SEMA4G: variants seen among roughly 807,000 people sequenced by gnomAD.
SEMA4G encodes the protein semaphorin-4G.
SEMA4G carries 59 observed loss-of-function variants against 81.2 expected under a neutral mutation model. That is an observed-to-expected ratio of 0.73 (90% CI 0.59 to 0.90). SEMA4G has a LOEUF of 0.90. SEMA4G is among the 40% of genes least tolerant of loss of function. The pLI is 0.00. For missense variants in SEMA4G, 952 were observed against 1,102.3 expected (o/e 0.86, Z 1.93); for synonymous variants, 404 against 433.9 (o/e 0.93, Z 0.86).
chr10:100,969,988 G>A (rs1396340294), upstream of SEMA4G: 1 of 429,070 alleles, frequency 2.3e-6, no homozygotes, highest in Admixed American at 2.4e-5. Context: ...GGGGTCCCGG[G>A]GGAGGGGCTC....
At chr10:100,979,055 C>G (rs1850930288) in intron 7 of SEMA4G, 37 bp downstream of exon 8, 1 of 1,613,032 alleles carries the variant, frequency 6.2e-7, no homozygotes, top group Non-Finnish European at 8.5e-7. Flanking sequence ...GGTATAGAGG[C>G]TGGACCTCTG....
chr10:100,971,182 C>T (rs1171067640), upstream of SEMA4G, among the ~76,000 whole-genome samples: 2 of 152,212 alleles, frequency 1.3e-5, no homozygotes, highest in Non-Finnish European at 1.5e-5. Context: ...ACCCATGTGA[C>T]TCTTAAACTA....
chr10:100,978,043 C>T (rs1589985269), intron 4 of SEMA4G: 2 of 574,750 alleles, frequency 3.5e-6, no homozygotes, highest in Non-Finnish European at 6.2e-6. Flanking sequence ...GGGCTAGGGG[C>T]TCAGATGTTC....
At chr10:100,972,735 A>T in exon 1 of SEMA4G, 1 of 546,400 alleles carries the variant, frequency 1.8e-6, no homozygotes, top group East Asian at 3.2e-5. Context: ...TGTCCCCCCG[A>T]TTCCAGGACC....
At chr10:100,979,945 C>T (rs199762950) in exon 9 of SEMA4G, 14 of 1,614,026 alleles carry the variant, frequency 8.7e-6, no homozygotes, top group East Asian at 4.5e-5. Context: ...TGGTTCCCGG[C>T]GCTGGGGTCG....
rs1181201946 is a variant in SEMA4G, at chr10:100,973,739, G to GT, written c.336+131dup. ...AATCTCAGCAACCACAGTAAACATT[G>GT]TAAGTATTGCCAGAGTGGCAAGCCA... On this transcript the variant is annotated intron_variant, in intron 3 of 13. Coordinates refer to ENST00000370250, the Ensembl canonical transcript of SEMA4G. This position sits in a 1 kb window ranked among gnomAD's most constrained non-coding sequence, Gnocchi z 5.5. The GT allele has an allele frequency of 8.5e-6, 7 of 818,980 alleles. No individual in the cohort carries two copies. The highest frequency in any genetic ancestry group is 1.4e-5 in the Non-Finnish European group (7 of 518,256). The allele number at this position is 818,980 out of a possible 1,614,324, so 50.7% of individuals were successfully genotyped here. A position where few individuals can be genotyped will look rare whatever the true frequency, so the allele number is the denominator to read the frequency against.
downstream of SEMA4G, chr10:100,984,974 C>T (rs561580399): frequency 1.5e-5 from 20 of 1,377,042 alleles, no homozygotes; most frequent in African/African-American, 2.5e-4. Flanking sequence ...TACATTTCCA[C>T]TCACATGCAC....
At chr10:100,981,142 T>A (rs1851049873) in intron 12 of SEMA4G, 26 bp from the exon 14 acceptor site, 1 of 1,613,832 alleles carries the variant, frequency 6.2e-7, no homozygotes, top group African/African-American at 1.3e-5. Flanking sequence ...TTCCCCTTGT[T>A]CATAAAACCT....
chr10:100,978,496 GTC>G, intron 5 of SEMA4G, 29 bp from the exon 7 acceptor site: 1 of 1,605,226 alleles, frequency 6.2e-7, no homozygotes, highest in African/African-American at 1.3e-5. Flanking sequence ...AATATGACAT[GTC>G]TCTCATGCCT....
chr10:100,973,415 C>G lies in SEMA4G; in HGVS notation c.274-132C>G. 7.2e-7 allele frequency: 1 copy of G among 1,396,508 alleles called. No homozygotes were observed. The highest frequency in any genetic ancestry group is 1.3e-5 in the South Asian group (1 of 78,024). 86.5% of individuals were successfully genotyped at this position (1,396,508 alleles called of 1,614,324 possible). ...ACTGCCCTTCCCAGCCCAGGTGTTC[C>G]TTGCATTCAGTGTTCCTCCTGAAAT... On this transcript the variant is annotated intron_variant, in intron 2 of 13. Transcript: ENST00000370250. The surrounding 1 kb of genome is among the most constrained non-coding windows in gnomAD (Gnocchi z 5.5).
intron 3 of SEMA4G, among the ~76,000 whole-genome samples, chr10:100,974,514 C>T (rs972498595): frequency 3.9e-5 from 6 of 152,158 alleles, no homozygotes; most frequent in African/African-American, 7.2e-5. Flanking sequence ...TGCTTACTTA[C>T]GATGGGTTAC....
At chr10:100,977,829 C>T (rs905539492) in intron 4 of SEMA4G, 99 bp downstream of exon 5, 16 of 1,062,280 alleles carry the variant, frequency 1.5e-5, no homozygotes, top group South Asian at 3.9e-5. Context: ...GTGAAGGAGA[C>T]GGATGGTTTA....
At chr10:100,976,912 T>G (rs1850815468) in intron 3 of SEMA4G, among the ~76,000 whole-genome samples, 1 of 152,180 alleles carries the variant, frequency 6.6e-6, no homozygotes, top group Non-Finnish European at 1.5e-5. Flanking sequence ...CAACTGCAGA[T>G]GTCTAAGGAA....
chr10:100,982,446 C>T lies in SEMA4G; in HGVS notation c.1691-859C>T, dbSNP rs76997620. Among the ~76,000 whole-genome samples the T allele has an allele frequency of 1.6e-4, 24 of 152,328 alleles. No individual in the cohort carries two copies. The East Asian group carries it at 3.1e-3, about 20-fold the overall frequency. ...CCAGGAGTCATGGAAGGAGAGAAATCAACAGGTCTAAGATAGATGCCAGAA... is the reference window on the plus strand; with the variant it reads ...CCAGGAGTCATGGAAGGAGAGAAATTAACAGGTCTAAGATAGATGCCAGAA... On this transcript the variant is annotated intron_variant, in intron 13 of 13. Transcript: ENST00000370250.
At chr10:100,980,472 T>C in intron 10 of SEMA4G, 106 bp from the exon 12 acceptor site, 1 of 1,349,526 alleles carries the variant, frequency 7.4e-7, no homozygotes, top group Non-Finnish European at 1.1e-6. Flanking sequence ...GGCTGAGTCC[T>C]TGTTCTGGAC....
intron 3 of SEMA4G, among the ~76,000 whole-genome samples, chr10:100,974,035 C>T (rs1175745610): frequency 1.3e-5 from 2 of 151,902 alleles, no homozygotes; most frequent in Non-Finnish European, 2.9e-5. Context: ...CTTAGCCTCC[C>T]AAAGTGCTGG....
chr10:100,985,258 A>T (rs1482005638), downstream of SEMA4G: 1 of 200,634 alleles, frequency 5.0e-6, no homozygotes, highest in African/African-American at 2.3e-5. Flanking sequence ...GGGAGTTTGG[A>T]CGCTTAGCTC....
chr10:100,981,610 C>T (rs2133891167), intron 13 of SEMA4G: 1 of 1,575,796 alleles, frequency 6.3e-7, no homozygotes, highest in African/African-American at 1.3e-5. Flanking sequence ...GTGCCAGACA[C>T]TGATCTAAAT....
exon 12 of SEMA4G, chr10:100,980,831 T>C (rs1235416443): frequency 6.3e-7 from 1 of 1,578,884 alleles, no homozygotes; most frequent in South Asian, 1.2e-5. Flanking sequence ...GCACAGCCTC[T>C]ATGTGGGGGC....
Sources: allele counts gnomAD v4.1 joint callset (sites outside exome capture counted in the v4.1 genomes callset), GRCh38; gene constraint gnomAD v4.1.1; non-coding constraint Gnocchi (gnomAD v3.1); transcripts MANE v1.5; gene names NCBI Gene and HGNC (gene_info 2026-07-23, HGNC 2026-07-21).